GRID2: variants seen among roughly 807,000 people sequenced by gnomAD.
GRID2 encodes the protein glutamate receptor ionotropic, delta-2.
GRID2 carries 33 observed loss-of-function variants against 114.8 expected under a neutral mutation model. The observed-to-expected ratio is 0.29, with a 90% CI of 0.22 to 0.38. GRID2 has a LOEUF of 0.38. Ranked by LOEUF, GRID2 falls within the 10% of genes least tolerant of loss-of-function variation. The probability of loss-of-function intolerance (pLI) is 1.00; values close to 1 mark genes in which losing one functional copy is unlikely to be tolerated. For synonymous variants in GRID2, 505 were observed against 449.9 expected, an observed-to-expected ratio of 1.12 and a Z score of -1.55; for missense variants, 1,184 against 1,257.7, an observed-to-expected ratio of 0.94 and a Z score of 0.89.
intron 1 of GRID2, among the ~76,000 whole-genome samples, chr4:92,457,027 C>A (rs1197834878): frequency 2.0e-5 from 3 of 152,122 alleles, no homozygotes; most frequent in Non-Finnish European, 4.4e-5. Flanking sequence ...ATCTTCTAGG[C>A]TTATTTTCGA....
Position 93,772,688 on chromosome 4 carries a change from T to G in GRID2, c.*190T>G. 1.9e-6 allele frequency: 1 copy of G among 537,642 alleles called. No individual in the cohort carries two copies. Among genetic ancestry groups the G allele is most frequent in the South Asian group, 3.1e-5 (1 of 32,094 alleles). The allele number at this position is 537,642 out of a possible 1,614,324, so 33.3% of individuals were successfully genotyped here. ...ATGATTTTCTCTCTTTCCCCCTCCCTTCCTGTACATTTTCCTCCACTTTTT... is the reference window on the plus strand; with the variant it reads ...ATGATTTTCTCTCTTTCCCCCTCCCGTCCTGTACATTTTCCTCCACTTTTT... On this transcript the variant is annotated 3_prime_UTR_variant, in exon 16 of 16. Transcript: ENST00000282020.
At chr4:93,356,362 G>A (rs1408425376) in intron 8 of GRID2, among the ~76,000 whole-genome samples, 4 of 151,854 alleles carry the variant, frequency 2.6e-5, no homozygotes, top group Non-Finnish European at 5.9e-5. Context: ...TGCTGTTCTT[G>A]TTAATTTAGC....
chr4:93,680,197 T>C (rs1222344953), intron 14 of GRID2, among the ~76,000 whole-genome samples: 4 of 152,038 alleles, frequency 2.6e-5, no homozygotes, highest in Non-Finnish European at 2.9e-5. Flanking sequence ...ATAAATTCCT[T>C]GACACATACA....
chr4:93,415,397 T>C (rs1384528247), intron 9 of GRID2, among the ~76,000 whole-genome samples: 1 of 152,098 alleles, frequency 6.6e-6, no homozygotes, highest in Non-Finnish European at 1.5e-5. Context: ...TAATGAAAAC[T>C]TGGACCAAAC....
intron 14 of GRID2, among the ~76,000 whole-genome samples, chr4:93,651,508 C>T (rs1157728289): frequency 1.3e-5 from 2 of 152,146 alleles, no homozygotes; most frequent in Non-Finnish European, 1.5e-5. Flanking sequence ...CTTTGGAAAT[C>T]CATGAAGCTG....
At chr4:92,811,541 A>T (rs746431388) in intron 2 of GRID2, among the ~76,000 whole-genome samples, 95 of 152,090 alleles carry the variant, frequency 6.2e-4, no homozygotes, top group Non-Finnish European at 1.0e-3. Flanking sequence ...ATTTACCTAA[A>T]TGATTCCAAA....
At chr4:93,153,931 G>A (rs908228881) in intron 4 of GRID2, among the ~76,000 whole-genome samples, 5 of 151,990 alleles carry the variant, frequency 3.3e-5, no homozygotes. Flanking sequence ...CAGGCACAAT[G>A]TTGTACTTTA....
chr4:93,417,516 G>A (rs571277863), intron 9 of GRID2, among the ~76,000 whole-genome samples: 29 of 151,912 alleles, frequency 1.9e-4, no homozygotes, highest in Non-Finnish European at 3.7e-4. Context: ...AAAAGCAGAC[G>A]ATTGTCATTA....
chr4:93,794,518 T>C (rs772803228), intron 1 of GRID2, among the ~76,000 whole-genome samples: 38 of 152,092 alleles, frequency 2.5e-4, no homozygotes, highest in Non-Finnish European at 5.3e-4. Flanking sequence ...ATCTCATCCT[T>C]CATGGCCAAT....
chr4:93,282,404 A>C, intron 8 of GRID2: 1 of 448,546 alleles, frequency 2.2e-6, no homozygotes, highest in Non-Finnish European at 4.5e-6. Flanking sequence ...TTCAAGATCA[A>C]GGAGTCTGCA....
At chr4:92,602,667 G>A (rs1034259576) in intron 2 of GRID2, among the ~76,000 whole-genome samples, 5 of 152,056 alleles carry the variant, frequency 3.3e-5, no homozygotes, top group Admixed American at 6.6e-5. Flanking sequence ...CCTGTCTCAC[G>A]ACTCCTATTC....
At chr4:93,043,434 T>C (rs1379043320) in intron 2 of GRID2, among the ~76,000 whole-genome samples, 2 of 151,766 alleles carry the variant, frequency 1.3e-5, no homozygotes, top group Non-Finnish European at 1.5e-5. Flanking sequence ...ATGGTGAAAA[T>C]GTAGGAAAGA....
At chr4:93,720,488 T>C (rs1729258275) in intron 14 of GRID2, among the ~76,000 whole-genome samples, 2 of 152,098 alleles carry the variant, frequency 1.3e-5, no homozygotes, top group Admixed American at 1.3e-4. Flanking sequence ...AGGAAGTAAA[T>C]ACAGAATAAT....
Position 93,455,928 on chromosome 4 carries a change from T to C in GRID2, c.1812T>C (p.Thr604=). Reference sequence around the variant, plus strand: ...AAATGGGATCAATGACGTCTACTACTCTCTACAACTCCATGTGGTTTGTGT... The same window carrying C: ...AAATGGGATCAATGACGTCTACTACCCTCTACAACTCCATGTGGTTTGTGT... ...RLQMGSMTST[T]LYNSMWFVYG... is the part of the protein sequence containing the mutation. Residue 604 remains threonine (T), a synonymous_variant, in exon 11 of 16, where the codon ACT becomes ACC. Coordinates refer to ENST00000282020, the MANE Select transcript of GRID2 (RefSeq NM_001510.4). 6.2e-7 allele frequency: 1 copy of C among 1,611,274 alleles called. No individual in the cohort carries two copies. Among genetic ancestry groups the C allele is most frequent in the East Asian group, 2.2e-5 (1 of 44,860 alleles).
intron 2 of GRID2, among the ~76,000 whole-genome samples, chr4:92,855,167 G>A (rs1744087733): frequency 1.3e-5 from 2 of 151,996 alleles, no homozygotes; most frequent in Admixed American, 6.6e-5. Flanking sequence ...CCTAGTGACA[G>A]AATGACAAAT....
intron 2 of GRID2, among the ~76,000 whole-genome samples, chr4:92,634,645 G>A (rs2149248584): frequency 6.6e-6 from 1 of 151,870 alleles, no homozygotes; most frequent in East Asian, 1.9e-4. Flanking sequence ...GAAAATGAAA[G>A]CAGTCAAAGC....
At chr4:93,358,652 C>G (rs1761577018) in intron 8 of GRID2, among the ~76,000 whole-genome samples, 1 of 151,692 alleles carries the variant, frequency 6.6e-6, no homozygotes, top group African/African-American at 2.4e-5. Context: ...AAATAAAGGT[C>G]TTGAAATTTT....
rs537899553 is a variant in GRID2, at chr4:93,012,873, G to T, written c.245-72122G>T. Among the ~76,000 whole-genome samples the T allele has an allele frequency of 2.6e-5, 4 of 151,404 alleles. No homozygotes were observed. The East Asian group carries it at 5.8e-4, about 22-fold the overall frequency. On this transcript the variant is annotated intron_variant, in intron 2 of 15. Coordinates refer to ENST00000282020, the MANE Select transcript of GRID2 (RefSeq NM_001510.4). The stretch of plus-strand genomic sequence containing the variant: ...ATTATACATATGCATGTGTATACGT[G>T]GGAATATATATGACATATATCTATG...
At chr4:93,169,960 A>G (rs974601948) in intron 4 of GRID2, among the ~76,000 whole-genome samples, 5 of 152,256 alleles carry the variant, frequency 3.3e-5, no homozygotes, top group African/African-American at 1.2e-4. Context: ...TTCAAGCTGT[A>G]CAATAACACA....
Sources: gnomAD v4.1 joint callset for allele counts (sites outside exome capture counted in the v4.1 genomes callset) on GRCh38, gnomAD v4.1.1 for gene constraint, MANE v1.5 for transcripts, NCBI Gene and HGNC (gene_info 2026-07-23, HGNC 2026-07-21) for gene names.